The following STARD13 variants were observed in gnomAD, a reference collection of about 807,000 sequenced individuals.
STARD13 encodes the protein StAR related lipid transfer domain containing 13.
A neutral mutation model predicts 106.4 loss-of-function variants in STARD13; 62 were observed. That is an observed-to-expected ratio of 0.58 (90% CI 0.48 to 0.72). The LOEUF is 0.72. Ranked by LOEUF, STARD13 falls within the 30% of genes least tolerant of loss-of-function variation. The probability of loss-of-function intolerance (pLI) is 0.00; values close to 1 mark genes in which losing one functional copy is unlikely to be tolerated. For synonymous variants in STARD13, 565 were observed against 553.0 expected (o/e 1.02, Z -0.31); for missense variants, 1,387 against 1,424.0 (o/e 0.97, Z 0.42).
chr13:33,468,813 T>C, the STARD13 span, among the ~76,000 whole-genome samples: 1 of 152,192 alleles, frequency 6.6e-6, no homozygotes, highest in Non-Finnish European at 1.5e-5. Context: ...CTTCTCCATA[T>C]GAGTATTTCT....
the STARD13 span, among the ~76,000 whole-genome samples, chr13:33,404,315 A>G: frequency 6.6e-6 from 1 of 152,324 alleles, no homozygotes; most frequent in South Asian, 2.1e-4. Context: ...TCTTTTTTTA[A>G]CAGGCAAGAA....
the STARD13 span, among the ~76,000 whole-genome samples, chr13:33,430,364 C>CACATACTATGT: frequency 6.6e-6 from 1 of 152,136 alleles, no homozygotes; most frequent in Non-Finnish European, 1.5e-5. Context: ...TAAACATATA[C>CACATACTATGT]ACATACTATG....
chr13:33,625,840 T>A, the STARD13 span, among the ~76,000 whole-genome samples: 1 of 151,990 alleles, frequency 6.6e-6, no homozygotes, highest in Non-Finnish European at 1.5e-5. Flanking sequence ...TAGCTGGGAC[T>A]ATAGGTTCTC....
At chr13:33,558,638 CA>C in the STARD13 span, among the ~76,000 whole-genome samples, 1 of 152,016 alleles carries the variant, frequency 6.6e-6, no homozygotes, top group Non-Finnish European at 1.5e-5. Context: ...GGAAAAGGGG[CA>C]AAAACTTTGA....
the STARD13 span, among the ~76,000 whole-genome samples, chr13:33,478,269 C>T: frequency 6.6e-6 from 1 of 152,122 alleles, no homozygotes; most frequent in Non-Finnish European, 1.5e-5. Context: ...CAGGACCTAG[C>T]CCAAATCCTT....
chr13:33,483,191 T>G, the STARD13 span, among the ~76,000 whole-genome samples: 1 of 152,210 alleles, frequency 6.6e-6, no homozygotes, highest in Non-Finnish European at 1.5e-5. Flanking sequence ...AAATCTGGAA[T>G]GAATTTTAAC....
chr13:33,211,805 CTGTGTGTG>C (rs573541591), intron 1 of STARD13, among the ~76,000 whole-genome samples: 2 of 148,616 alleles, frequency 1.3e-5, no homozygotes, highest in Non-Finnish European at 3.0e-5. Flanking sequence ...AGAGCTGACT[CTGTGTGTG>C]TGTGTGTGTG....
At chr13:33,477,949 A>G in the STARD13 span, among the ~76,000 whole-genome samples, 1 of 152,194 alleles carries the variant, frequency 6.6e-6, no homozygotes, top group South Asian at 2.1e-4. Context: ...TTTCCAGGTC[A>G]CTGCATCCAG....
intron 1 of STARD13, among the ~76,000 whole-genome samples, chr13:33,316,777 T>C (rs1489193545): frequency 6.6e-6 from 1 of 152,220 alleles, no homozygotes; most frequent in Non-Finnish European, 1.5e-5. Flanking sequence ...TCTCCCTCTC[T>C]ATCCTGAACC....
intron 1 of STARD13, among the ~76,000 whole-genome samples, chr13:33,325,579 C>T (rs1183460546): frequency 6.6e-6 from 1 of 152,082 alleles, no homozygotes; most frequent in Non-Finnish European, 1.5e-5. Context: ...AAATGTTACA[C>T]TCCAAAGGCG....
At chr13:33,217,824 G>A (rs775334213) in intron 1 of STARD13, among the ~76,000 whole-genome samples, 16 of 152,174 alleles carry the variant, frequency 1.1e-4, no homozygotes, top group Non-Finnish European at 2.1e-4. Context: ...AGTCTCTGCT[G>A]GGGCAAGGAT....
At chr13:33,491,940 C>A in the STARD13 span, among the ~76,000 whole-genome samples, 5 of 151,986 alleles carry the variant, frequency 3.3e-5, no homozygotes, top group East Asian at 5.8e-4. Context: ...TGGGTGCAGG[C>A]GGGCTGAGTC....
the STARD13 span, among the ~76,000 whole-genome samples, chr13:33,663,609 A>T: frequency 4.1e-4 from 62 of 152,326 alleles, no homozygotes; most frequent in Middle Eastern, 3.4e-3. Context: ...AATTACAAAG[A>T]CATACAAAAT....
intron 1 of STARD13, among the ~76,000 whole-genome samples, chr13:33,197,416 T>TTGTGTGTGTGTGTGTGTGTG (rs142681141): frequency 6.8e-6 from 1 of 148,026 alleles, no homozygotes; most frequent in Non-Finnish European, 1.5e-5. Context: ...AGGAAGAGAG[T>TTGTGTGTGTGTGTGTGTGTG]TGTGTGTGTG....
At chr13:33,349,850 T>C (rs2078055305) in intron 1 of STARD13, among the ~76,000 whole-genome samples, 1 of 152,100 alleles carries the variant, frequency 6.6e-6, no homozygotes, top group South Asian at 2.1e-4. Context: ...TCACTCTCCC[T>C]CCCGCGCATT....
At chr13:33,148,573 T>C (rs1399073113) in intron 3 of STARD13, among the ~76,000 whole-genome samples, 3 of 152,152 alleles carry the variant, frequency 2.0e-5, no homozygotes, top group African/African-American at 7.2e-5. Context: ...CTGACAACAC[T>C]AAATGCTGGT....
the STARD13 span, among the ~76,000 whole-genome samples, chr13:33,423,797 A>T: frequency 6.6e-6 from 1 of 152,224 alleles, no homozygotes; most frequent in Admixed American, 6.5e-5. Flanking sequence ...CTTTGCAGGG[A>T]CAGGGATGAA....
the STARD13 span, among the ~76,000 whole-genome samples, chr13:33,504,730 A>G: frequency 7.9e-5 from 12 of 152,302 alleles, no homozygotes; most frequent in African/African-American, 2.9e-4. Context: ...CGTTGTGCAC[A>G]TGTACCCTAG....
At chr13:33,645,464 C>A in the STARD13 span, among the ~76,000 whole-genome samples, 1 of 152,108 alleles carries the variant, frequency 6.6e-6, no homozygotes, top group African/African-American at 2.4e-5. Context: ...GTCTTCAAGC[C>A]ACAAAAGTGA....
Sources: allele counts gnomAD v4.1 joint callset (sites outside exome capture counted in the v4.1 genomes callset), GRCh38; gene constraint gnomAD v4.1.1; transcripts MANE v1.5; gene names NCBI Gene and HGNC (gene_info 2026-07-23, HGNC 2026-07-21).